The following PIGL variants were observed in gnomAD, a reference collection of about 807,000 sequenced individuals.
PIGL encodes phosphatidylinositol glycan anchor biosynthesis class L, also known as N-acetylglucosaminyl-phosphatidylinositol de-N-acetylase.
A neutral mutation model predicts 31.1 loss-of-function variants in PIGL; 22 were observed. That is an observed-to-expected ratio of 0.71 (90% CI 0.51 to 1.01). The LOEUF (loss-of-function observed/expected upper bound fraction) is 1.01, where lower values mean the gene tolerates loss of function less well. Ranked by LOEUF, PIGL falls within the 50% of genes least tolerant of loss-of-function variation. The probability of loss-of-function intolerance (pLI) is 0.00; values close to 1 mark genes in which losing one functional copy is unlikely to be tolerated. For synonymous variants in PIGL, 131 were observed against 117.4 expected, an observed-to-expected ratio of 1.12 and a Z score of -0.75; for missense variants, 302 against 315.9, an observed-to-expected ratio of 0.96 and a Z score of 0.33.
At chr17:16,224,030 C>T (rs1238574260) in intron 1 of PIGL, among the ~76,000 whole-genome samples, 2 of 152,002 alleles carry the variant, frequency 1.3e-5, no homozygotes, top group African/African-American at 2.4e-5. Flanking sequence ...TCTTGGCCAA[C>T]GTGGTGAAAC....
At chr17:16,232,032 C>T (rs1479487541) in intron 1 of PIGL, among the ~76,000 whole-genome samples, 4 of 151,980 alleles carry the variant, frequency 2.6e-5, no homozygotes, top group Non-Finnish European at 4.4e-5. Context: ...AATCCCTTCA[C>T]TTTGGGAGGC....
chr17:16,313,647 G>A (rs2093064443), intron 4 of PIGL, 33 bp downstream of exon 4: 7 of 1,541,470 alleles, frequency 4.5e-6, no homozygotes, highest in Non-Finnish European at 5.4e-6. Context: ...TGTGGGGGAG[G>A]GTTTGTTTAT....
intron 2 of PIGL, among the ~76,000 whole-genome samples, chr17:16,273,817 T>C (rs60374261): frequency 0.1 from 15,627 of 152,178 alleles, 1,713 homozygotes; most frequent in African/African-American, 0.28. Flanking sequence ...ACCAAAAATA[T>C]CACTCTGCCT....
intron 2 of PIGL, among the ~76,000 whole-genome samples, chr17:16,265,638 G>T (rs1246200802): frequency 1.3e-5 from 2 of 151,964 alleles, no homozygotes; most frequent in Admixed American, 6.6e-5. Flanking sequence ...TACTTGGGAG[G>T]CTGAGGCAGG....
intron 6 of PIGL, among the ~76,000 whole-genome samples, chr17:16,323,819 A>G (rs2093116211): frequency 6.6e-6 from 1 of 151,328 alleles, no homozygotes; most frequent in Non-Finnish European, 1.5e-5. Context: ...GGGTTTCACT[A>G]TGTTGGCCAG....
At chr17:16,228,610 G>A (rs969039213) in intron 1 of PIGL, among the ~76,000 whole-genome samples, 7 of 150,722 alleles carry the variant, frequency 4.6e-5, no homozygotes, top group South Asian at 2.1e-4. Context: ...GGATGGTCTC[G>A]ATCTCCTGAC....
chr17:16,223,867 C>G (rs1315722665), intron 1 of PIGL, among the ~76,000 whole-genome samples: 2 of 152,080 alleles, frequency 1.3e-5, no homozygotes, highest in Non-Finnish European at 2.9e-5. Context: ...CCATGTAATT[C>G]TGGTCTATAC....
At chr17:16,289,547 CTT>C (rs1278084773) in intron 2 of PIGL, among the ~76,000 whole-genome samples, 1 of 152,178 alleles carries the variant, frequency 6.6e-6, no homozygotes, top group East Asian at 1.9e-4. Context: ...TTTCCATACT[CTT>C]TGATTAAAAT....
chr17:16,306,318 T>G (rs750514457), intron 3 of PIGL, among the ~76,000 whole-genome samples: 10 of 152,088 alleles, frequency 6.6e-5, no homozygotes, highest in Non-Finnish European at 1.5e-4. Flanking sequence ...GGCATTACTT[T>G]TCCTGATCTT....
intron 2 of PIGL, among the ~76,000 whole-genome samples, chr17:16,289,714 T>C (rs747245942): frequency 4.6e-5 from 7 of 152,222 alleles, no homozygotes; most frequent in Non-Finnish European, 5.9e-5. Context: ...TACCTGTCTT[T>C]TGCTGGAGCA....
intron 1 of PIGL, 157 bp downstream of exon 1, chr17:16,217,618 G>GATCTACA: frequency 1.6e-6 from 1 of 607,826 alleles, no homozygotes; most frequent in Non-Finnish European, 2.8e-6. Context: ...AGGGACAGGA[G>GATCTACA]CGGCCGGCTT....
intron 2 of PIGL, among the ~76,000 whole-genome samples, chr17:16,276,598 G>A (rs934659164): frequency 4.6e-5 from 7 of 152,124 alleles, no homozygotes; most frequent in South Asian, 2.1e-4. Context: ...CTGGGCAGGC[G>A]TGGTGGCGGG....
intron 6 of PIGL, 74 bp from the exon 7 acceptor site, chr17:16,325,726 G>T: frequency 9.3e-7 from 1 of 1,079,774 alleles, no homozygotes. Flanking sequence ...TTTAAGGTGC[G>T]GAGGCCAGAT....
intron 3 of PIGL, among the ~76,000 whole-genome samples, chr17:16,310,092 AAAAG>A (rs1375577853): frequency 2.0e-4 from 30 of 151,306 alleles, no homozygotes; most frequent in Admixed American, 1.1e-3. Flanking sequence ...AAAAAAAAAA[AAAAG>A]AAAGAAAGAA....
chr17:16,268,354 G>T (rs1345590830), intron 2 of PIGL, among the ~76,000 whole-genome samples: 1 of 139,138 alleles, frequency 7.2e-6, no homozygotes, highest in African/African-American at 2.5e-5. Flanking sequence ...TTTCCCTTCT[G>T]TTGCCACTTC....
chr17:16,319,648 G>A (rs112276212), intron 6 of PIGL, among the ~76,000 whole-genome samples: 8,910 of 151,932 alleles, frequency 0.059, 882 homozygotes, highest in African/African-American at 0.2. Context: ...CCAGCTACTC[G>A]GGAGGCTGAG....
intron 2 of PIGL, among the ~76,000 whole-genome samples, chr17:16,263,974 T>G (rs2092830318): frequency 6.7e-6 from 1 of 149,112 alleles, no homozygotes; most frequent in Non-Finnish European, 1.5e-5. Flanking sequence ...CCCGAGTAGC[T>G]GGGATTACAG....
At chr17:16,303,713 AT>A (rs35504589) in intron 3 of PIGL, among the ~76,000 whole-genome samples, 59,470 of 135,632 alleles carry the variant, frequency 0.44, 13,396 homozygotes, top group Middle Eastern at 0.56. Flanking sequence ...TCATTTTTGT[AT>A]TTTTTTTTTT....
intron 2 of PIGL, among the ~76,000 whole-genome samples, chr17:16,274,595 C>T (rs976767102): frequency 1.3e-4 from 19 of 151,468 alleles, no homozygotes; most frequent in African/African-American, 4.4e-4. Context: ...TGGTGGCAGC[C>T]ACCTGTAATC....
Sources: allele counts gnomAD v4.1 joint callset (sites outside exome capture counted in the v4.1 genomes callset), GRCh38; gene constraint gnomAD v4.1.1; transcripts MANE v1.5; gene names NCBI Gene and HGNC (gene_info 2026-07-23, HGNC 2026-07-21).